Variants in FLACC1 observed in about 807,000 individuals in gnomAD.
The protein encoded by FLACC1 is flagellum-associated coiled-coil domain-containing protein 1.
FLACC1 carries 66 observed loss-of-function variants against 62.8 expected under a neutral mutation model. The ratio of observed to expected loss-of-function variants is 1.05; its 90% CI spans 0.86 to 1.29. The LOEUF is 1.29. Ranked by LOEUF, FLACC1 falls within the 50% of genes most tolerant of loss-of-function variation. The pLI is 0.00. For synonymous variants in FLACC1, 156 were observed against 161.0 expected (o/e 0.97, Z 0.24); for missense variants, 452 against 489.1 (o/e 0.92, Z 0.71).
intron 9 of FLACC1, among the ~76,000 whole-genome samples, chr2:201,327,281 C>T (rs995827262): frequency 6.6e-6 from 1 of 151,880 alleles, no homozygotes; most frequent in Non-Finnish European, 1.5e-5. Context: ...ATGACTAAGA[C>T]CCCAAAAGCA....
At chr2:201,344,307 T>C (rs373343469) in intron 5 of FLACC1, 44 bp from the exon 6 acceptor site, 13 of 1,514,486 alleles carry the variant, frequency 8.6e-6, no homozygotes, top group African/African-American at 5.5e-5. Context: ...AGCTTACCAT[T>C]CCATGCCATT....
In FLACC1 at chr2:201,351,426, T is replaced by C. The variant is rs775394215; in HGVS notation, c.-22A>G. 5 of 1,564,696 alleles carry C rather than the reference T, an allele frequency of 3.2e-6. No individual in the cohort carries two copies. Among genetic ancestry groups the C allele is most frequent in the Admixed American group, 1.7e-5 (1 of 59,602 alleles). On this transcript the variant is annotated 5_prime_UTR_variant, in exon 2 of 15. Coordinates refer to ENST00000392257, the MANE Select transcript of FLACC1 (RefSeq NM_001127391.3). ...ACATGGCCAAAGGTCAGGGGGAGTC[T>C]TGGCTGCTAGATCAGGAGGCTCTTG...
At chr2:201,345,903 G>A (rs1179174707) in intron 5 of FLACC1, among the ~76,000 whole-genome samples, 2 of 152,160 alleles carry the variant, frequency 1.3e-5, no homozygotes, top group South Asian at 2.1e-4. Flanking sequence ...AGTGGCTCAC[G>A]CCTATAATCC....
At chr2:201,314,356 T>C (rs1950272097) in intron 9 of FLACC1, among the ~76,000 whole-genome samples, 1 of 151,834 alleles carries the variant, frequency 6.6e-6, no homozygotes, top group Non-Finnish European at 1.5e-5. Flanking sequence ...AAAACAAAAC[T>C]TCAGGAAACA....
chr2:201,344,100 C>T lies in FLACC1; in HGVS notation c.462+70G>A, dbSNP rs548073060. ...GTAAAGTGCTTGGCATTTTGCCTGG[C>T]ACATAGGTGATTCAAAAATATTAAT... On this transcript the variant is annotated intron_variant, in intron 6 of 14. Transcript: ENST00000392257. 5.7e-6 allele frequency: 8 copies of T among 1,404,380 alleles called. No individual in the cohort carries two copies. In the African/African-American group the frequency reaches 1.0e-4, roughly 18 times the overall value. The allele number at this position is 1,404,380 out of a possible 1,614,324, so 87.0% of individuals were successfully genotyped here.
intron 7 of FLACC1, among the ~76,000 whole-genome samples, chr2:201,339,760 G>A (rs946924536): frequency 2.0e-5 from 3 of 152,042 alleles, no homozygotes; most frequent in Admixed American, 2.0e-4. Flanking sequence ...AATCTTATAA[G>A]TGTGCCTATC....
upstream of FLACC1, among the ~76,000 whole-genome samples, chr2:201,358,426 T>C (rs1951151076): frequency 6.7e-6 from 1 of 148,582 alleles, no homozygotes; most frequent in Non-Finnish European, 1.5e-5. Context: ...TTTTTTTTTT[T>C]TTTTTTTTGA....
intron 14 of FLACC1, 47 bp downstream of exon 14, chr2:201,289,410 C>G: frequency 6.4e-7 from 1 of 1,566,260 alleles, no homozygotes; most frequent in Non-Finnish European, 8.8e-7. Flanking sequence ...AACTCCTTCC[C>G]ACTCCTAAAG....
At chr2:201,316,464 C>A (rs1220701301) in intron 9 of FLACC1, among the ~76,000 whole-genome samples, 1 of 151,960 alleles carries the variant, frequency 6.6e-6, no homozygotes, top group Admixed American at 6.6e-5. Flanking sequence ...CTAGAGGAGA[C>A]AGATAAATTC....
intron 12 of FLACC1, among the ~76,000 whole-genome samples, chr2:201,292,572 T>G (rs1278491554): frequency 2.0e-5 from 3 of 152,140 alleles, no homozygotes; most frequent in Non-Finnish European, 2.9e-5. Flanking sequence ...TGCAAAAACA[T>G]GTCAAATTGT....
rs556800631 is a variant in FLACC1, at chr2:201,317,430, G to T, written c.676-8180C>A. 2.0e-5 allele frequency among the ~76,000 whole-genome samples: 3 copies of T among 152,156 alleles called. No individual in the cohort carries two copies. The South Asian group carries it at 6.2e-4, about 32-fold the overall frequency. On this transcript the variant is annotated intron_variant, in intron 9 of 14. Transcript: ENST00000392257. ...GCGACTAAGGTGAAAATCAAATCAA[G>T]AACTCAACCCCTTTTACAATAGCTG...
At chr2:201,304,670 T>C (rs1001776006) in intron 11 of FLACC1, among the ~76,000 whole-genome samples, 2 of 152,162 alleles carry the variant, frequency 1.3e-5, no homozygotes, top group African/African-American at 4.8e-5. Flanking sequence ...TCACACTACC[T>C]GACTTCAAAC....
chr2:201,311,575 G>T (rs1950218194), intron 9 of FLACC1, among the ~76,000 whole-genome samples: 2 of 151,596 alleles, frequency 1.3e-5, no homozygotes, highest in Non-Finnish European at 2.9e-5. Flanking sequence ...TTAGCTAGGT[G>T]TAGTGGTCCC....
intron 11 of FLACC1, among the ~76,000 whole-genome samples, chr2:201,300,832 G>A (rs1949966117): frequency 6.6e-6 from 1 of 152,170 alleles, no homozygotes; most frequent in South Asian, 2.1e-4. Flanking sequence ...TGGACCTCCA[G>A]CAAACTCCAA....
At chr2:201,299,069 A>G (rs370481164) in intron 12 of FLACC1, among the ~76,000 whole-genome samples, 169 bp downstream of exon 12, 34 of 152,344 alleles carry the variant, frequency 2.2e-4, no homozygotes, top group African/African-American at 7.5e-4. Context: ...TTTACAGATA[A>G]TTTCAAAAAT....
rs1576427675 is a variant in FLACC1 at position 201,307,534 on chromosome 2, GA to G, written c.863del (p.Phe288SerfsTer9). ...NESCSAVFEN[F>X]IQEKEELLKQ... The stretch of plus-strand genomic sequence containing the variant: ...GCTGAGTTACCTCCTTCTCTTGAAT[GA>G]AGTTCTCAAAGACAGCACTGCAGGA... On this transcript the variant is annotated frameshift_variant, in exon 11 of 15. Transcript: ENST00000392257. LOFTEE classifies it high-confidence loss of function. 13 of 1,613,976 alleles carry G rather than the reference GA, an allele frequency of 8.1e-6. No individual in the cohort carries two copies. The Middle Eastern group carries it at 6.6e-4, about 82-fold the overall frequency.
rs117606477 is a variant in FLACC1, at chr2:201,326,913, A to G, written c.675+3557T>C. Among the ~76,000 whole-genome samples, 461 of 152,330 alleles carry G rather than the reference A, an allele frequency of 3.0e-3. 14 individuals are homozygous for G. In the East Asian group the frequency reaches 0.064, roughly 21 times the overall value. On this transcript the variant is annotated intron_variant, in intron 9 of 14. Coordinates refer to ENST00000392257, the MANE Select transcript of FLACC1 (RefSeq NM_001127391.3). The surrounding 1 kb of genome is among the most constrained non-coding windows in gnomAD (Gnocchi z 4.1). ...AAATCTGGAGGTATCACATTACTAG[A>G]CTTCAGATTATACTACAAGGCTATA...
chr2:201,354,978 T>C (rs1951091091), intron 1 of FLACC1, among the ~76,000 whole-genome samples: 1 of 152,184 alleles, frequency 6.6e-6, no homozygotes, highest in Non-Finnish European at 1.5e-5. Flanking sequence ...ATCATGGTGG[T>C]TGGGGCTAGC....
At chr2:201,342,488 C>G in intron 6 of FLACC1, 57 bp from the exon 7 acceptor site, 1 of 1,560,932 alleles carries the variant, frequency 6.4e-7, no homozygotes, top group South Asian at 1.1e-5. Flanking sequence ...CCATTCTGAT[C>G]TGCACCTTCT....
Sources: allele counts gnomAD v4.1 joint callset (sites outside exome capture counted in the v4.1 genomes callset), GRCh38; gene constraint gnomAD v4.1.1; non-coding constraint Gnocchi (gnomAD v3.1); transcripts MANE v1.5; gene names NCBI Gene and HGNC (gene_info 2026-07-23, HGNC 2026-07-21).